Variants in PTPN13 observed in about 807,000 individuals in gnomAD.
PTPN13 encodes tyrosine-protein phosphatase non-receptor type 13.
A neutral mutation model predicts 284.0 loss-of-function variants in PTPN13; 191 were observed. The observed-to-expected ratio is 0.67, with a 90% confidence interval of 0.60 to 0.76. The LOEUF (loss-of-function observed/expected upper bound fraction) is 0.76. Among genes scored for constraint, PTPN13 ranks in the 30% least tolerant of loss-of-function variants. The pLI is 0.00. For synonymous variants in PTPN13, 986 were observed against 1,022.3 expected (o/e 0.96, Z 0.68); for missense variants, 2,797 against 2,939.9 (o/e 0.95, Z 1.12).
rs1730674508 is a variant in PTPN13, at chr4:86,697,178, C to G, written c.634+3504C>G. On this transcript the variant is annotated intron_variant, in intron 6 of 47. Coordinates refer to ENST00000411767, the MANE Select transcript of PTPN13 (RefSeq NM_080683.3). Reference sequence around the variant, plus strand: ...GTGCCAGTTCTTAACTGTCAGTGGTCAATTGCAGCAAAGCAACCTTGTGAT... The same window carrying G: ...GTGCCAGTTCTTAACTGTCAGTGGTGAATTGCAGCAAAGCAACCTTGTGAT... Among the ~76,000 whole-genome samples the G allele has an allele frequency of 2.0e-5, 3 of 152,058 alleles. No homozygotes were observed. In the South Asian group the frequency reaches 6.2e-4, roughly 32 times the overall value.
At chr4:86,750,411 T>C in intron 17 of PTPN13, 59 bp from the exon 18 acceptor site, 1 of 1,402,894 alleles carries the variant, frequency 7.1e-7, no homozygotes, top group Non-Finnish European at 9.7e-7. Flanking sequence ...TTAACATAAT[T>C]ATTCTCATAA....
At chr4:86,703,403 G>T (rs1448406599) in intron 7 of PTPN13, among the ~76,000 whole-genome samples, 5 of 151,016 alleles carry the variant, frequency 3.3e-5, no homozygotes, top group African/African-American at 4.9e-5. Flanking sequence ...ATGCCCTCAT[G>T]GAAACAATTA....
chr4:86,710,232 A>G (rs907297315), intron 7 of PTPN13, among the ~76,000 whole-genome samples: 1 of 152,200 alleles, frequency 6.6e-6, no homozygotes, highest in Non-Finnish European at 1.5e-5. Context: ...AATGTTTTAT[A>G]CTTCTGCACT....
intron 40 of PTPN13, among the ~76,000 whole-genome samples, chr4:86,786,944 A>G (rs1234453953): frequency 6.6e-6 from 1 of 151,968 alleles, no homozygotes; most frequent in East Asian, 1.9e-4. Context: ...TCTCTGCCAA[A>G]AATATAAAAA....
chr4:86,702,893 A>G (rs1352617768), intron 7 of PTPN13, among the ~76,000 whole-genome samples: 1 of 152,106 alleles, frequency 6.6e-6, no homozygotes, highest in East Asian at 1.9e-4. Context: ...TAAGGATCAT[A>G]TTTATTTTTA....
At chr4:86,774,302 G>A (rs11097120) in intron 32 of PTPN13, 71 bp from the exon 33 acceptor site, 160,640 of 1,404,516 alleles carry the variant, frequency 0.11, 10,774 homozygotes, top group African/African-American at 0.26. Flanking sequence ...TAAGGGAAAT[G>A]ATAGTCATCT....
intron 3 of PTPN13, among the ~76,000 whole-genome samples, chr4:86,685,610 A>C (rs1466859612): frequency 6.6e-6 from 1 of 152,166 alleles, no homozygotes; most frequent in Non-Finnish European, 1.5e-5. Flanking sequence ...AGATCCTATC[A>C]AAAAACAAAC....
intron 1 of PTPN13, among the ~76,000 whole-genome samples, chr4:86,618,991 A>G (rs1720917404): frequency 6.6e-6 from 1 of 152,156 alleles, no homozygotes; most frequent in Admixed American, 6.5e-5. Context: ...GAGAGAGTGC[A>G]TCCCTGTCTT....
intron 35 of PTPN13, among the ~76,000 whole-genome samples, chr4:86,779,274 G>A (rs1022713504): frequency 6.6e-6 from 1 of 152,080 alleles, no homozygotes; most frequent in South Asian, 2.1e-4. Flanking sequence ...AATCTTAGCC[G>A]GGCGTGGTGG....
At chr4:86,696,544 T>C (rs973924223) in intron 6 of PTPN13, among the ~76,000 whole-genome samples, 3 of 151,998 alleles carry the variant, frequency 2.0e-5, no homozygotes, top group Non-Finnish European at 4.4e-5. Context: ...TTATTTGTGA[T>C]TTTGTTTTTA....
At position 86,694,763 on chromosome 4, in the gene PTPN13, A is replaced by G. The variant is rs549218064; in HGVS notation, c.634+1089A>G. ...TTATCAAGCAGTTTTGAGAATCATGATAATCTAAACATTAACAGAAATACT... is the reference window on the plus strand; with the variant it reads ...TTATCAAGCAGTTTTGAGAATCATGGTAATCTAAACATTAACAGAAATACT... On this transcript the variant is annotated intron_variant, in intron 6 of 47. Transcript: ENST00000411767. Among the ~76,000 whole-genome samples, 10 of 152,222 alleles carry G rather than the reference A, an allele frequency of 6.6e-5. No individual in the cohort carries two copies. The South Asian group carries it at 2.1e-3, about 32-fold the overall frequency.
chr4:86,632,255 G>A (rs531526662), intron 1 of PTPN13, among the ~76,000 whole-genome samples: 6 of 152,106 alleles, frequency 3.9e-5, no homozygotes, highest in Non-Finnish European at 7.4e-5. Flanking sequence ...ATCTATAGAT[G>A]GAAGACAGTG....
At chr4:86,659,215 T>C (rs961080622) in intron 2 of PTPN13, among the ~76,000 whole-genome samples, 6 of 152,164 alleles carry the variant, frequency 3.9e-5, no homozygotes, top group Non-Finnish European at 8.8e-5. Context: ...GTATTTTATT[T>C]AATCCAATAT....
chr4:86,670,721 A>G (rs1030102005), intron 2 of PTPN13, among the ~76,000 whole-genome samples: 7 of 152,316 alleles, frequency 4.6e-5, no homozygotes, highest in African/African-American at 1.7e-4. Context: ...CTGTGACATG[A>G]AATCTCATGG....
intron 2 of PTPN13, among the ~76,000 whole-genome samples, chr4:86,663,198 G>A (rs1001752872): frequency 2.6e-5 from 4 of 152,092 alleles, no homozygotes; most frequent in African/African-American, 4.8e-5. Context: ...CATGGCTGAG[G>A]CCCCTATAAT....
intron 10 of PTPN13, 130 bp from the exon 11 acceptor site, chr4:86,732,270 G>C: frequency 1.4e-6 from 1 of 736,764 alleles, no homozygotes; most frequent in Non-Finnish European, 2.1e-6. Context: ...GTTTGTTTTA[G>C]ATCACCTAGT....
rs1434330195 is a variant in PTPN13 at position 86,594,759 on chromosome 4, C to T, written c.-36C>T. 7 of 152,298 alleles carry T rather than the reference C, an allele frequency of 4.6e-5. No homozygotes were observed. Among genetic ancestry groups the T allele is most frequent in the Admixed American group, 3.3e-4 (5 of 15,286 alleles). The allele number at this position is 152,298 out of a possible 1,614,324, so 9.4% of individuals were successfully genotyped here. On this transcript the variant is annotated 5_prime_UTR_variant, in exon 1 of 48. The change creates a premature stop within an existing upstream ORF in the 5' untranslated region. Transcript: ENST00000411767. The stretch of plus-strand genomic sequence containing the variant: ...TCCCTGCAGCCCTCGCCCGGCGCTC[C>T]AGTAGCAGGACCCGGTCTCGGGACC...
chr4:86,661,754 T>C (rs1037556061), intron 2 of PTPN13, among the ~76,000 whole-genome samples: 5 of 152,262 alleles, frequency 3.3e-5, no homozygotes, highest in African/African-American at 4.8e-5. Flanking sequence ...CTATTCCTCA[T>C]TGACCTTTTC....
At position 86,771,493 on chromosome 4, in the gene PTPN13, A is replaced by C. The variant is rs774455022; in HGVS notation, c.5126A>C (p.Tyr1709Ser). 1.9e-6 allele frequency: 3 copies of C among 1,569,236 alleles called. No individual in the cohort carries two copies. The highest frequency in any genetic ancestry group is 2.6e-6 in the Non-Finnish European group (3 of 1,154,794). Residue 1709 changes from tyrosine to serine, a missense_variant, in exon 31 of 48, where the codon TAC (tyrosine) becomes TCC (serine). Transcript: ENST00000411767. ...GAAGATACCATTTGTACCATGTTTT[A>C]CTATCCTCAGAAAATTCCCAATAAA... ...SQEDTICTMF[Y>S]YPQKIPNKPE...
Sources: gnomAD v4.1 joint callset for allele counts (sites outside exome capture counted in the v4.1 genomes callset) on GRCh38, gnomAD v4.1.1 for gene constraint, MANE v1.5 for transcripts, NCBI Gene and HGNC (gene_info 2026-07-23, HGNC 2026-07-21) for gene names.